TENM4: variants seen among roughly 807,000 people sequenced by gnomAD.
TENM4 encodes the protein teneurin transmembrane protein 4, also known as teneurin-4.
In TENM4, 82 loss-of-function variants were observed where a neutral mutation model predicts 243.3. The observed-to-expected ratio is 0.34, with a 90% CI of 0.28 to 0.40. The LOEUF is 0.40. Among genes scored for constraint, TENM4 ranks in the 10% least tolerant of loss-of-function variants. The pLI is 1.00. For missense variants in TENM4, 3,138 were observed against 3,673.3 expected, an observed-to-expected ratio of 0.85 and a Z score of 3.77; for synonymous variants, 1,412 against 1,456.3, an observed-to-expected ratio of 0.97 and a Z score of 0.69.
At chr11:79,023,543 C>G (rs1858991195) in intron 6 of TENM4, among the ~76,000 whole-genome samples, 1 of 139,972 alleles carries the variant, frequency 7.1e-6, no homozygotes, top group African/African-American at 2.8e-5. Flanking sequence ...GCCTGGGTGA[C>G]AGAGAAAGGC....
At chr11:78,955,026 C>T (rs542983978) in intron 6 of TENM4, among the ~76,000 whole-genome samples, 2 of 152,346 alleles carry the variant, frequency 1.3e-5, no homozygotes, top group Admixed American at 1.3e-4. Context: ...GAGGCTTCTC[C>T]AGATGAAGTT....
At chr11:78,771,379 G>A (rs889399562) in intron 17 of TENM4, among the ~76,000 whole-genome samples, 1 of 152,178 alleles carries the variant, frequency 6.6e-6, no homozygotes, top group Non-Finnish European at 1.5e-5. Flanking sequence ...GGACAGGGCT[G>A]AAACCCACAC....
intron 2 of TENM4, chr11:79,220,975 T>A (rs1287278349): frequency 1.3e-5 from 2 of 152,212 alleles, no homozygotes; most frequent in Non-Finnish European, 2.9e-5. Flanking sequence ...CACAAAATAC[T>A]TCACCTTGTT....
chr11:79,418,117 C>A (rs1329476887), intron 1 of TENM4, among the ~76,000 whole-genome samples: 1 of 130,860 alleles, frequency 7.6e-6, no homozygotes, highest in African/African-American at 2.9e-5. Context: ...AACAAGGATG[C>A]ATAATAAGTA....
chr11:79,259,508 T>A (rs1334668045), intron 2 of TENM4, among the ~76,000 whole-genome samples: 1 of 151,722 alleles, frequency 6.6e-6, no homozygotes, highest in Non-Finnish European at 1.5e-5. Context: ...CATGCATCCA[T>A]CCATCCATCC....
intron 2 of TENM4, among the ~76,000 whole-genome samples, chr11:79,239,125 G>C (rs1042734414): frequency 6.6e-6 from 1 of 152,158 alleles, no homozygotes; most frequent in African/African-American, 2.4e-5. Flanking sequence ...ATGCCATCAA[G>C]TCACAGGTGA....
intron 1 of TENM4, among the ~76,000 whole-genome samples, chr11:79,368,467 G>A (rs1294691723): frequency 6.6e-6 from 1 of 152,202 alleles, no homozygotes; most frequent in East Asian, 1.9e-4. Context: ...ATGCTCACCT[G>A]TAATACTATT....
chr11:78,709,906 A>G (rs1859357117), intron 26 of TENM4, among the ~76,000 whole-genome samples: 1 of 152,242 alleles, frequency 6.6e-6, no homozygotes, highest in African/African-American at 2.4e-5. Context: ...CAGAATCGCA[A>G]GAATCAGACA....
chr11:79,092,014 A>T (rs1565200185), intron 4 of TENM4, among the ~76,000 whole-genome samples: 1 of 151,724 alleles, frequency 6.6e-6, no homozygotes, highest in Non-Finnish European at 1.5e-5. Flanking sequence ...CACTTCCCCA[A>T]CCCAGTGCTC....
At position 79,069,635 on chromosome 11, in the gene TENM4, C is replaced by T. The variant is rs998584306; in HGVS notation, c.223+87G>A. ...GTGTTCCAGCTCACCTGTGCCACGC[C>T]CACCTGCGCCACGCCCACCCGAGCC... On this transcript the variant is annotated intron_variant, in intron 5 of 33. Coordinates refer to ENST00000278550, the MANE Select transcript of TENM4 (RefSeq NM_001098816.3). 9 of 1,448,710 alleles carry T rather than the reference C, an allele frequency of 6.2e-6. No individual in the cohort carries two copies. The African/African-American group carries it at 7.1e-5, about 11-fold the overall frequency. The allele number at this position is 1,448,710 out of a possible 1,614,324, so 89.7% of individuals were successfully genotyped here. A position where few individuals can be genotyped will look rare whatever the true frequency, so the allele number is the denominator to read the frequency against.
At chr11:79,350,673 C>T (rs750924644) in intron 1 of TENM4, among the ~76,000 whole-genome samples, 3 of 151,158 alleles carry the variant, frequency 2.0e-5, no homozygotes, top group Non-Finnish European at 4.4e-5. Flanking sequence ...CTCCTGGCCT[C>T]GAGTGGTCCT....
chr11:79,018,402 G>T (rs1858834081), intron 6 of TENM4, among the ~76,000 whole-genome samples: 1 of 152,094 alleles, frequency 6.6e-6, no homozygotes, highest in Non-Finnish European at 1.5e-5. Context: ...GATCAAGGTT[G>T]CTTCCTGGCT....
At chr11:79,155,806 C>G (rs930738346) in intron 3 of TENM4, among the ~76,000 whole-genome samples, 3 of 150,968 alleles carry the variant, frequency 2.0e-5, no homozygotes, top group South Asian at 2.1e-4. Context: ...AGTATCCTGG[C>G]CTAGGCTTTC....
At position 78,657,074 on chromosome 11, in the gene TENM4, C is replaced by A; in HGVS notation, c.*984G>T. 1 of 398,670 alleles carries A rather than the reference C, an allele frequency of 2.5e-6. No individual in the cohort carries two copies. The highest frequency in any genetic ancestry group is 1.3e-4 in the South Asian group (1 of 7,850). The allele number at this position is 398,670 out of a possible 1,614,324, so 24.7% of individuals were successfully genotyped here. On this transcript the variant is annotated 3_prime_UTR_variant, in exon 34 of 34. Transcript: ENST00000278550. ...TCGGAAGGCAGGCTGGTGCCCTCGC[C>A]ACCACTGCCATGCCTTTGCCATGGG...
In TENM4 at chr11:79,156,151, G is replaced by A. The variant is rs1341448409; in HGVS notation, c.-162-7345C>T. On this transcript the variant is annotated intron_variant, in intron 3 of 33. Coordinates refer to ENST00000278550, the MANE Select transcript of TENM4 (RefSeq NM_001098816.3). ...AGAGGGAAGACTGGGTGGTGTTAAA[G>A]GTATCCAGGAAACTCCAGAGGGACA... Among the ~76,000 whole-genome samples, 3 of 152,190 alleles carry A rather than the reference G, an allele frequency of 2.0e-5. No homozygotes were observed. In the East Asian group the frequency reaches 5.8e-4, roughly 29 times the overall value.
intron 12 of TENM4, among the ~76,000 whole-genome samples, chr11:78,829,424 T>TG (rs1857928474): frequency 6.6e-6 from 1 of 152,166 alleles, no homozygotes; most frequent in Non-Finnish European, 1.5e-5. Flanking sequence ...TGTTTCATGT[T>TG]GGGGTTGGAG....
intron 4 of TENM4, among the ~76,000 whole-genome samples, chr11:79,078,296 C>T (rs2137021418): frequency 6.6e-6 from 1 of 152,194 alleles, no homozygotes; most frequent in South Asian, 2.1e-4. Flanking sequence ...TCAAAAAGGG[C>T]CCATAAATAT....
chr11:79,400,324 T>TA (rs1858435814), intron 1 of TENM4, among the ~76,000 whole-genome samples: 1 of 151,898 alleles, frequency 6.6e-6, no homozygotes, highest in African/African-American at 2.4e-5. Flanking sequence ...TTTTTTTTTT[T>TA]AACCACACAG....
chr11:78,927,968 T>G (rs1230685365), intron 6 of TENM4, among the ~76,000 whole-genome samples: 1 of 152,166 alleles, frequency 6.6e-6, no homozygotes. Flanking sequence ...CCACTAAGTC[T>G]GTCCTGCTGG....
Sources: allele counts gnomAD v4.1 joint callset (sites outside exome capture counted in the v4.1 genomes callset), GRCh38; gene constraint gnomAD v4.1.1; transcripts MANE v1.5; gene names NCBI Gene and HGNC (gene_info 2026-07-23, HGNC 2026-07-21).